The following HS6ST3 variants were observed in gnomAD, a reference collection of about 807,000 sequenced individuals.
HS6ST3 encodes the protein heparan sulfate 6-O-sulfotransferase 3.
A neutral mutation model predicts 36.7 loss-of-function variants in HS6ST3; 12 were observed. The observed-to-expected ratio is 0.33, with a 90% CI of 0.21 to 0.53. HS6ST3 has a LOEUF of 0.53. HS6ST3 is among the 20% of genes least tolerant of loss of function. The pLI is 0.95. For synonymous variants in HS6ST3, 240 were observed against 257.5 expected (o/e 0.93, Z 0.65); for missense variants, 584 against 640.9 (o/e 0.91, Z 0.96).
intron 1 of HS6ST3, among the ~76,000 whole-genome samples, chr13:96,604,224 G>A (rs920287347): frequency 2.6e-5 from 4 of 152,126 alleles, no homozygotes; most frequent in African/African-American, 9.7e-5. Context: ...TGAATAATGG[G>A]TTGGTATTCC....
intron 1 of HS6ST3, among the ~76,000 whole-genome samples, chr13:96,608,399 C>G (rs1425055755): frequency 6.6e-6 from 1 of 152,184 alleles, no homozygotes; most frequent in Non-Finnish European, 1.5e-5. Context: ...ACACAGATGA[C>G]CGGATATTAC....
At chr13:96,601,105 C>A (rs2056419987) in intron 1 of HS6ST3, among the ~76,000 whole-genome samples, 1 of 152,006 alleles carries the variant, frequency 6.6e-6, no homozygotes, top group African/African-American at 2.4e-5. Flanking sequence ...ATTCTTTTTT[C>A]CATGTCGACT....
chr13:96,169,073 A>G (rs2054174798), intron 1 of HS6ST3, among the ~76,000 whole-genome samples: 1 of 152,252 alleles, frequency 6.6e-6, no homozygotes, highest in East Asian at 1.9e-4. Context: ...TGGTCCTCTC[A>G]TGATTATTTC....
rs187870847 is a variant in HS6ST3 at position 96,688,557 on chromosome 13, C to T, written c.708-143933C>T. On this transcript the variant is annotated intron_variant, in intron 1 of 1. Transcript: ENST00000376705. ...TGCTGAAGGAATAGCGGAGAAGAGACGCTCACTTGATATAGAGCTTTATTC... is the reference window on the plus strand; with the variant it reads ...TGCTGAAGGAATAGCGGAGAAGAGATGCTCACTTGATATAGAGCTTTATTC... Among the ~76,000 whole-genome samples the T allele has an allele frequency of 1.8e-4, 27 of 152,122 alleles. No individual in the cohort carries two copies. The East Asian group carries it at 3.7e-3, about 21-fold the overall frequency.
chr13:96,794,829 T>A (rs1877872049), intron 1 of HS6ST3, among the ~76,000 whole-genome samples: 1 of 152,078 alleles, frequency 6.6e-6, no homozygotes. Context: ...AGAGATGGGC[T>A]TTCTAACCAG....
intron 1 of HS6ST3, among the ~76,000 whole-genome samples, chr13:96,140,928 G>A (rs1188060654): frequency 6.6e-6 from 1 of 152,146 alleles, no homozygotes; most frequent in Non-Finnish European, 1.5e-5. Flanking sequence ...TTAGAAAGAG[G>A]TTTGGCTTAA....
intron 1 of HS6ST3, among the ~76,000 whole-genome samples, chr13:96,299,502 T>A (rs912247040): frequency 6.6e-6 from 1 of 152,130 alleles, no homozygotes; most frequent in Non-Finnish European, 1.5e-5. Context: ...CAGATGGAAT[T>A]GACTGTGAAG....
At chr13:96,770,336 C>T (rs901882566) in intron 1 of HS6ST3, among the ~76,000 whole-genome samples, 2 of 152,188 alleles carry the variant, frequency 1.3e-5, no homozygotes, top group African/African-American at 4.8e-5. Context: ...TACCTATTCT[C>T]AGTTTCTCTT....
rs142522888 is a variant in HS6ST3, at chr13:96,486,593, G to A, written c.708-345897G>A. ...TGAGATGGAATCTCATTATGGTTTT[G>A]ATTTGCATTTCTCTGATGGCCAGTG... On this transcript the variant is annotated intron_variant, in intron 1 of 1. Transcript: ENST00000376705. 9.0e-3 allele frequency among the ~76,000 whole-genome samples: 1,364 copies of A among 152,276 alleles called. 13 individuals are homozygous for A. Among genetic ancestry groups the A allele is most frequent in the African/African-American group, 0.03 (1,227 of 41,542 alleles).
At chr13:96,129,620 G>A (rs2053966842) in intron 1 of HS6ST3, among the ~76,000 whole-genome samples, 1 of 152,190 alleles carries the variant, frequency 6.6e-6, no homozygotes, top group Non-Finnish European at 1.5e-5. Flanking sequence ...TTGAGTAATA[G>A]TAATGGTGTT....
At chr13:96,803,719 G>A (rs1878135772) in intron 1 of HS6ST3, among the ~76,000 whole-genome samples, 1 of 152,122 alleles carries the variant, frequency 6.6e-6, no homozygotes, top group East Asian at 1.9e-4. Context: ...AGAGTGGGGA[G>A]GCAAAAGGTT....
At chr13:96,791,304 C>T (rs1040733494) in intron 1 of HS6ST3, among the ~76,000 whole-genome samples, 4 of 151,940 alleles carry the variant, frequency 2.6e-5, no homozygotes, top group Admixed American at 1.3e-4. Context: ...GCTAATTTTC[C>T]GTTCTTCATG....
chr13:96,680,849 G>A (rs1282676545), intron 1 of HS6ST3, among the ~76,000 whole-genome samples: 1 of 152,188 alleles, frequency 6.6e-6, no homozygotes, highest in Admixed American at 6.5e-5. Flanking sequence ...TATTGGGGAG[G>A]CATTAGGAGC....
intron 1 of HS6ST3, among the ~76,000 whole-genome samples, chr13:96,656,998 TGAGAGA>T (rs1179705458): frequency 3.1e-5 from 3 of 98,338 alleles, no homozygotes; most frequent in Non-Finnish European, 5.9e-5. Context: ...TGTGTGTGTG[TGAGAGA>T]GAGAGAGAGA....
chr13:96,804,268 C>T (rs1017386943), intron 1 of HS6ST3, among the ~76,000 whole-genome samples: 7 of 152,086 alleles, frequency 4.6e-5, no homozygotes, highest in South Asian at 4.1e-4. Context: ...CAGAGAAAAG[C>T]GAATCTCTAT....
chr13:96,293,144 T>G (rs892194184), intron 1 of HS6ST3, among the ~76,000 whole-genome samples: 6 of 152,150 alleles, frequency 3.9e-5, no homozygotes, highest in African/African-American at 1.4e-4. Flanking sequence ...ATAAAATTAT[T>G]AAACAATAGG....
rs1158529672 is a variant in HS6ST3 at position 96,658,239 on chromosome 13, T to TTTC, written c.708-174234_708-174232dup. 1.4e-3 allele frequency among the ~76,000 whole-genome samples: 215 copies of TTTC among 150,076 alleles called. 2 individuals carry two copies. The highest frequency in any genetic ancestry group is 5.0e-3 in the African/African-American group (204 of 40,404). On this transcript the variant is annotated intron_variant, in intron 1 of 1. Transcript: ENST00000376705. ...CTTCTGTTATATGCCACAATTTATC[T>TTTC]TTCTTCTTCTTCTTCTTCTCTTCTT...
At position 96,833,118 on chromosome 13, in the gene HS6ST3, G is replaced by A. The variant is rs762458089; in HGVS notation, c.1336G>A (p.Asp446Asn). The A allele has an allele frequency of 6.2e-7, 1 of 1,603,418 alleles. No individual in the cohort carries two copies. Among genetic ancestry groups the A allele is most frequent in the Non-Finnish European group, 8.5e-7 (1 of 1,179,760 alleles). The change falls in exon 2 of 2, where the codon GAC (aspartate) becomes AAC (asparagine). Residue 446 changes from aspartate (D) to asparagine (N), a missense_variant. Physicochemically the swap from Asp to Asn is conservative, Grantham distance 23 (BLOSUM62 1). Transcript: ENST00000376705. Reference protein sequence around the residue: ...EERRLQREHRDHQWPKEDGAA... With the variant: ...EERRLQREHRNHQWPKEDGAA... ...GCGGAGGCTGCAGCGAGAGCACAGG[G>A]ACCACCAGTGGCCCAAAGAAGATGG...
At chr13:96,453,168 A>AAATG (rs2055736941) in intron 1 of HS6ST3, among the ~76,000 whole-genome samples, 1 of 151,822 alleles carries the variant, frequency 6.6e-6, no homozygotes, top group Non-Finnish European at 1.5e-5. Flanking sequence ...CCCTGGAGGA[A>AAATG]AATGCTCTTT....
Sources: gnomAD v4.1 joint callset for allele counts (sites outside exome capture counted in the v4.1 genomes callset) on GRCh38, gnomAD v4.1.1 for gene constraint, MANE v1.5 for transcripts, NCBI Gene and HGNC (gene_info 2026-07-23, HGNC 2026-07-21) for gene names.